PCNX3: variants seen among roughly 807,000 people sequenced by gnomAD.
PCNX3 encodes the protein pecanex-like protein 3.
PCNX3 carries 58 observed loss-of-function variants against 207.2 expected under a neutral mutation model. That is an observed-to-expected ratio of 0.28 (90% confidence interval 0.23 to 0.35). The LOEUF (loss-of-function observed/expected upper bound fraction) is 0.35, where lower values mean the gene tolerates loss of function less well. Among genes scored for constraint, PCNX3 ranks in the 10% least tolerant of loss-of-function variants. The pLI is 1.00. For synonymous variants in PCNX3, 1,337 were observed against 1,183.5 expected (o/e 1.13, Z -2.66); for missense variants, 2,410 against 2,774.4 (o/e 0.87, Z 2.95).
intron 9 of PCNX3, 121 bp from the exon 10 acceptor site, chr11:65,620,710 C>T: frequency 7.3e-7 from 1 of 1,368,418 alleles, no homozygotes; most frequent in South Asian, 1.3e-5. Context: ...GCACTTGTCC[C>T]TTGAGCCCTG....
In PCNX3 at chr11:65,634,268, A is replaced by G; in HGVS notation, c.4613A>G (p.Tyr1538Cys). ...PTFSLSVDED[Y>C]DLRLSGLSLP... ...TTCTCGCTGAGTGTGGATGAGGACT[A>G]TGACCTCCGCCTGTCTGGCCTCTCG... is the stretch of plus-strand genomic sequence containing the variant. Residue 1538 changes from tyrosine to cysteine, a missense_variant, in exon 28 of 35, where the codon TAT becomes TGT. Around this residue, in one of 8 missense-constraint regions of PCNX3, gnomAD observed 420 missense variants for 705.3 expected, o/e 0.60. Coordinates refer to ENST00000355703, the MANE Select transcript of PCNX3 (RefSeq NM_032223.4). The G allele has an allele frequency of 1.9e-6, 3 of 1,612,448 alleles. No individual in the cohort carries two copies. Among genetic ancestry groups the G allele is most frequent in the Non-Finnish European group, 2.5e-6 (3 of 1,179,524 alleles).
At chr11:65,636,724 G>A (rs369558722) in intron 34 of PCNX3, 35 bp downstream of exon 34, 246 of 1,552,732 alleles carry the variant, frequency 1.6e-4, no homozygotes, top group Non-Finnish European at 2.0e-4. Context: ...GTCCCAGAAG[G>A]CTAAGGCCTG....
In PCNX3 at chr11:65,618,517, C is replaced by T. The variant is rs1854880800; in HGVS notation, c.1155C>T (p.Asp385=). ...AEPLLVVRPK[D]LALLRPSKRQ... ...CGCTCCTGGTCGTGCGGCCCAAGGA[C>T]TTGGCCCTGCTACGGCCTAGCAAAC... Residue 385 remains aspartate, a synonymous_variant, in exon 6 of 35, where the codon GAC becomes GAT. Transcript: ENST00000355703. 3 of 1,611,352 alleles carry T rather than the reference C, an allele frequency of 1.9e-6. No individual in the cohort carries two copies. Among genetic ancestry groups the T allele is most frequent in the Admixed American group, 1.7e-5 (1 of 59,906 alleles).
intron 22 of PCNX3, among the ~76,000 whole-genome samples, chr11:65,628,054 C>T (rs886387409): frequency 2.0e-5 from 3 of 152,218 alleles, no homozygotes; most frequent in African/African-American, 7.2e-5. Context: ...AGGAACCATG[C>T]TCCTACACTC....
chr11:65,619,998 T>A, intron 8 of PCNX3, 66 bp downstream of exon 8: 1 of 1,480,838 alleles, frequency 6.8e-7, no homozygotes, highest in South Asian at 1.3e-5. Flanking sequence ...TGAGTCCTCC[T>A]AGCAGTGGTG....
At chr11:65,626,877 G>A (rs1157151498) in intron 20 of PCNX3, 27 bp from the exon 21 acceptor site, 10 of 1,571,784 alleles carry the variant, frequency 6.4e-6, no homozygotes, top group South Asian at 3.5e-5. Flanking sequence ...TGGAAGCCAG[G>A]TGCAGAGTCC....
intron 8 of PCNX3, 113 bp downstream of exon 8, chr11:65,620,045 G>T: frequency 8.6e-7 from 1 of 1,162,282 alleles, no homozygotes; most frequent in African/African-American, 1.5e-5. Context: ...TGCTAATGCT[G>T]CCAGACATCA....
intron 6 of PCNX3, 196 bp from the exon 7 acceptor site, chr11:65,619,341 G>A (rs2135410582): frequency 4.1e-6 from 3 of 737,010 alleles, no homozygotes; most frequent in African/African-American, 1.9e-5. Flanking sequence ...AGTGGGGTGG[G>A]GCAGGGCCGA....
At chr11:65,621,008 C>G (rs144409091) in intron 10 of PCNX3, 42 bp downstream of exon 10, 4 of 1,492,984 alleles carry the variant, frequency 2.7e-6, no homozygotes, top group Non-Finnish European at 3.6e-6. Flanking sequence ...TGGGGCGTGA[C>G]GGGGCGGGCA....
chr11:65,618,899 G>T lies in PCNX3; in HGVS notation c.1537G>T (p.Val513Phe). The T allele has an allele frequency of 2.5e-6, 4 of 1,609,598 alleles. No individual in the cohort carries two copies. The highest frequency in any genetic ancestry group is 3.4e-6 in the Non-Finnish European group (4 of 1,178,752). The stretch of plus-strand genomic sequence containing the variant: ...GAGCATGGATGGGGCTGGGGGTGAT[G>T]TTCTGAGGCCCCCACTGGCTGGCTG... Reference protein sequence around the residue: ...VLSMDGAGGDVLRPPLAGCKA... With the variant: ...VLSMDGAGGDFLRPPLAGCKA... The change falls in exon 6 of 35, where the codon GTT becomes TTT. Residue 513 changes from valine (V) to phenylalanine (F), a missense_variant. Physicochemically the swap from Val to Phe is conservative, Grantham distance 50 (BLOSUM62 -1). This residue lies in a region of PCNX3 where 1,104 missense variants were observed against 970.3 expected (regional missense o/e 1.14). Coordinates refer to ENST00000355703, the MANE Select transcript of PCNX3 (RefSeq NM_032223.4).
At position 65,636,660 on chromosome 11, in the gene PCNX3, A is replaced by G; in HGVS notation, c.5863A>G (p.Ser1955Gly). ...GGSDGEPASG[S>G]PKGGTPKSQA... is the part of the protein sequence containing the mutation. ...ATCTGACGGGGAGCCAGCCTCAGGGAGCCCCAAAGGAGGTACCCCCAAATC... is the reference window on the plus strand; with the variant it reads ...ATCTGACGGGGAGCCAGCCTCAGGGGGCCCCAAAGGAGGTACCCCCAAATC... Residue 1955 changes from serine to glycine, a missense_variant, in exon 34 of 35, where the codon AGC (serine) becomes GGC (glycine). Physicochemically the swap from Ser to Gly is moderately conservative, Grantham distance 56. This residue lies in a region of PCNX3 where 278 missense variants were observed against 245.1 expected (regional missense o/e 1.13). Coordinates refer to ENST00000355703, the MANE Select transcript of PCNX3 (RefSeq NM_032223.4). 6.3e-7 allele frequency: 1 copy of G among 1,584,534 alleles called. No homozygotes were observed. Among genetic ancestry groups the G allele is most frequent in the Non-Finnish European group, 8.6e-7 (1 of 1,167,862 alleles).
At chr11:65,627,360 C>A (rs768267597) in intron 21 of PCNX3, 45 bp from the exon 22 acceptor site, 38 of 1,583,470 alleles carry the variant, frequency 2.4e-5, no homozygotes, top group Non-Finnish European at 3.2e-5. Context: ...ATACCCACTG[C>A]CCCGGTCCCC....
intron 27 of PCNX3, 105 bp downstream of exon 27, chr11:65,630,709 C>G (rs1000302448): frequency 6.9e-7 from 1 of 1,450,848 alleles, no homozygotes; most frequent in African/African-American, 1.4e-5. Context: ...CCTGTTTTGT[C>G]CAAGGGAAGC....
rs751295921 is a variant in PCNX3, at chr11:65,622,247, G to A, written c.2238G>A (p.Glu746=). The change falls in exon 11 of 35, where the codon GAG becomes GAA. Residue 746 remains glutamate (E), a splice_region_variant and synonymous_variant. Coordinates refer to ENST00000355703, the MANE Select transcript of PCNX3 (RefSeq NM_032223.4). The stretch of plus-strand genomic sequence containing the variant: ...AGGACTCCCTGCACGAATCCCAGGA[G>A]CAGACACTGATGGAAGAAGCGCCAC... The part of the protein sequence containing the change: ...VRRVPLEIPE[E]QTLMEEAPPR... The A allele has an allele frequency of 6.2e-7, 1 of 1,604,112 alleles. No individual in the cohort carries two copies. Among genetic ancestry groups the A allele is most frequent in the Non-Finnish European group, 8.5e-7 (1 of 1,175,930 alleles).
At chr11:65,620,713 G>A in intron 9 of PCNX3, 118 bp from the exon 10 acceptor site, 1 of 1,379,210 alleles carries the variant, frequency 7.3e-7, no homozygotes, top group Non-Finnish European at 9.9e-7. Flanking sequence ...CTTGTCCCTT[G>A]AGCCCTGGTT....
At chr11:65,626,316 A>C in intron 20 of PCNX3, 1 of 651,516 alleles carries the variant, frequency 1.5e-6, no homozygotes. Context: ...AGAAGACGGA[A>C]GAATTAGAAC....
Position 65,623,961 on chromosome 11 carries a change from C to A in PCNX3, c.2544C>A (p.His848Gln). 1 of 1,611,720 alleles carries A rather than the reference C, an allele frequency of 6.2e-7. No individual in the cohort carries two copies. The highest frequency in any genetic ancestry group is 8.5e-7 in the Non-Finnish European group (1 of 1,179,886). The change falls in exon 13 of 35, where the codon CAC becomes CAA. Residue 848 changes from histidine (H) to glutamine (Q), a missense_variant and splice_region_variant. Physicochemically the swap from His to Gln is conservative, Grantham distance 24. Transcript: ENST00000355703. ...SVQPDAASPM[H>Q]GHNWVIAYSR... is the part of the protein sequence containing the mutation. ...AGCCTGATGCGGCGTCCCCCATGCA[C>A]GTGAGTACCCATGGAGCAGCGCCTC... is the stretch of plus-strand genomic sequence containing the variant.
chr11:65,620,551 A>C, intron 9 of PCNX3, 122 bp downstream of exon 9: 10 of 1,128,734 alleles, frequency 8.9e-6, no homozygotes, highest in Middle Eastern at 4.3e-4. Flanking sequence ...TCAGATCTGC[A>C]GGGAGAGGAT....
At chr11:65,617,765 T>C in intron 5 of PCNX3, 59 bp downstream of exon 5, 1 of 1,534,076 alleles carries the variant, frequency 6.5e-7, no homozygotes, top group Non-Finnish European at 8.8e-7. Flanking sequence ...CGTTGTTGAA[T>C]CCCCTCAACT....
Sources: gnomAD v4.1 joint callset for allele counts (sites outside exome capture counted in the v4.1 genomes callset) on GRCh38, gnomAD v4.1.1 for gene constraint, gnomAD v4.1.1 regional missense constraint, MANE v1.5 for transcripts, NCBI Gene and HGNC (gene_info 2026-07-23, HGNC 2026-07-21) for gene names.